APPBP2: variants seen among roughly 807,000 people sequenced by gnomAD.
The protein encoded by APPBP2 is amyloid beta precursor protein binding protein 2.
In APPBP2, 15 loss-of-function variants were observed where a neutral mutation model predicts 76.0. That is an observed-to-expected ratio of 0.20 (90% CI 0.13 to 0.30). The LOEUF is 0.30. Among genes scored for constraint, APPBP2 ranks in the 10% least tolerant of loss-of-function variants. The pLI is 1.00. For missense variants in APPBP2, 401 were observed against 687.2 expected, an observed-to-expected ratio of 0.58 and a Z score of 4.66; for synonymous variants, 222 against 242.2, an observed-to-expected ratio of 0.92 and a Z score of 0.77.
intron 6 of APPBP2, among the ~76,000 whole-genome samples, chr17:60,463,351 G>A (rs578037717): frequency 3.3e-5 from 5 of 152,280 alleles, no homozygotes; most frequent in Admixed American, 2.6e-4. Context: ...CAGGCCAACC[G>A]TGGTGGACCT....
At position 60,446,093 on chromosome 17, in the gene APPBP2, T is replaced by C. The variant is rs1359741552; in HGVS notation, c.*1488A>G. 1 of 152,202 alleles carries C rather than the reference T, an allele frequency of 6.6e-6. No individual in the cohort carries two copies. Among genetic ancestry groups the C allele is most frequent in the Non-Finnish European group, 1.5e-5 (1 of 68,018 alleles). 9.4% of individuals were successfully genotyped at this position (152,202 alleles called of 1,614,324 possible). A position where few individuals can be genotyped will look rare whatever the true frequency, so the allele number is the denominator to read the frequency against. ...AAAACTAAAATTCAACACACATCCATTCACCCACAGACTACTCCAAGCATT... is the reference window on the plus strand; with the variant it reads ...AAAACTAAAATTCAACACACATCCACTCACCCACAGACTACTCCAAGCATT... On this transcript the variant is annotated 3_prime_UTR_variant, in exon 13 of 13. Transcript: ENST00000083182.
At chr17:60,448,627 G>A (rs949326734) in intron 12 of APPBP2, among the ~76,000 whole-genome samples, 2 of 152,186 alleles carry the variant, frequency 1.3e-5, no homozygotes, top group Non-Finnish European at 2.9e-5. Flanking sequence ...GCAAACTGAT[G>A]GGGAAATTTC....
chr17:60,501,056 T>C (rs2090819167), intron 1 of APPBP2, among the ~76,000 whole-genome samples: 1 of 152,218 alleles, frequency 6.6e-6, no homozygotes, highest in Non-Finnish European at 1.5e-5. Flanking sequence ...GGTTTGATCC[T>C]GTCATTCCAG....
chr17:60,523,503 A>G (rs28609520), intron 1 of APPBP2, among the ~76,000 whole-genome samples: 11,874 of 152,036 alleles, frequency 0.078, 1,555 homozygotes, highest in African/African-American at 0.27. Context: ...TCCACAAAAA[A>G]AGTTTCTTAT....
intron 4 of APPBP2, among the ~76,000 whole-genome samples, chr17:60,467,657 G>C (rs1004642707): frequency 6.6e-6 from 1 of 152,180 alleles, no homozygotes; most frequent in Non-Finnish European, 1.5e-5. Context: ...TGATAAAAAA[G>C]TAGGGTAATA....
At chr17:60,481,596 T>C (rs1265693602) in intron 3 of APPBP2, among the ~76,000 whole-genome samples, 2 of 152,256 alleles carry the variant, frequency 1.3e-5, no homozygotes, top group Admixed American at 1.3e-4. Flanking sequence ...TTTAGGTTTA[T>C]TCTAGAGCAT....
intron 1 of APPBP2, among the ~76,000 whole-genome samples, chr17:60,515,111 A>G (rs1305426478): frequency 7.1e-6 from 1 of 141,266 alleles, no homozygotes; most frequent in Non-Finnish European, 1.5e-5. Context: ...GCCTATTTTA[A>G]ATTTTTTTTT....
At chr17:60,521,932 C>T (rs73330245) in intron 1 of APPBP2, among the ~76,000 whole-genome samples, 12,449 of 152,146 alleles carry the variant, frequency 0.082, 1,687 homozygotes, top group African/African-American at 0.28. Flanking sequence ...CAACTGCCTA[C>T]GGTACTCAGT....
chr17:60,496,242 C>A (rs1162199405), intron 2 of APPBP2, among the ~76,000 whole-genome samples: 1 of 152,042 alleles, frequency 6.6e-6, no homozygotes, highest in Non-Finnish European at 1.5e-5. Flanking sequence ...GTTACAAAAT[C>A]TTGTGAATAG....
At chr17:60,485,815 C>T (rs1213010238) in intron 3 of APPBP2, among the ~76,000 whole-genome samples, 2 of 152,030 alleles carry the variant, frequency 1.3e-5, no homozygotes, top group East Asian at 3.9e-4. Flanking sequence ...TAGATCTTTC[C>T]TGCTTTCTCT....
intron 1 of APPBP2, among the ~76,000 whole-genome samples, chr17:60,510,953 T>C (rs2090907102): frequency 8.0e-6 from 1 of 125,064 alleles, no homozygotes; most frequent in Non-Finnish European, 1.5e-5. Context: ...AAATTAAGAG[T>C]TTTCCCCCCC....
intron 4 of APPBP2, among the ~76,000 whole-genome samples, chr17:60,469,317 T>A (rs1598352901): frequency 8.6e-6 from 1 of 116,630 alleles, no homozygotes; most frequent in South Asian, 2.6e-4. Context: ...AGAGCAAGAC[T>A]CCATCTCAAA....
intron 11 of APPBP2, among the ~76,000 whole-genome samples, chr17:60,453,067 C>A (rs1471818793): frequency 2.0e-5 from 3 of 152,126 alleles, no homozygotes; most frequent in Non-Finnish European, 4.4e-5. Flanking sequence ...CTGCTAAGAG[C>A]TATACTTAGT....
chr17:60,472,963 C>G (rs2090564061), intron 4 of APPBP2, among the ~76,000 whole-genome samples: 1 of 152,020 alleles, frequency 6.6e-6, no homozygotes, highest in Non-Finnish European at 1.5e-5. Context: ...ATCCTGAATT[C>G]TTCCTTATTG....
Position 60,461,919 on chromosome 17 carries a change from T to A in APPBP2, c.831-4A>T, listed in dbSNP as rs1394343059. The A allele has an allele frequency of 6.2e-7, 1 of 1,611,220 alleles. No individual in the cohort carries two copies. Among genetic ancestry groups the A allele is most frequent in the Non-Finnish European group, 8.5e-7 (1 of 1,177,900 alleles). ...GTGTTTGGATCCAAAATGATCCCTA[T>A]AAAAAGACACAAAATTATTAGGATA... On this transcript the variant is annotated splice_polypyrimidine_tract_variant and splice_region_variant and intron_variant, in intron 7 of 12. Transcript: ENST00000083182.
At chr17:60,471,507 A>AT (rs563470883) in intron 4 of APPBP2, among the ~76,000 whole-genome samples, 24 of 146,538 alleles carry the variant, frequency 1.6e-4, no homozygotes, top group South Asian at 6.5e-4. Flanking sequence ...AGCTTTGTGA[A>AT]TTTTTTTTTT....
At chr17:60,480,867 A>C (rs2090623283) in intron 3 of APPBP2, among the ~76,000 whole-genome samples, 1 of 152,174 alleles carries the variant, frequency 6.6e-6, no homozygotes, top group South Asian at 2.1e-4. Context: ...AGAGCAATGG[A>C]CACTCTCCTT....
In APPBP2 at chr17:60,516,681, A is replaced by G. The variant is rs536494092; in HGVS notation, c.138+9113T>C. On this transcript the variant is annotated intron_variant, in intron 1 of 12. Transcript: ENST00000083182. ...TATTATGAATAGCAGTGCTATGAAC[A>G]TTCATAAGTGTATATATCTTGAAGT... 2.0e-5 allele frequency among the ~76,000 whole-genome samples: 3 copies of G among 152,350 alleles called. 1 individual carries two copies. The highest frequency in any genetic ancestry group is 4.1e-4 in the South Asian group (2 of 4,828).
chr17:60,502,971 C>T (rs1265407824), intron 1 of APPBP2, among the ~76,000 whole-genome samples: 3 of 145,604 alleles, frequency 2.1e-5, no homozygotes, highest in Non-Finnish European at 4.4e-5. Flanking sequence ...GTGTATCCTA[C>T]TAAATGAGAG....
Sources: gnomAD v4.1 joint callset for allele counts (sites outside exome capture counted in the v4.1 genomes callset) on GRCh38, gnomAD v4.1.1 for gene constraint, MANE v1.5 for transcripts, NCBI Gene and HGNC (gene_info 2026-07-23, HGNC 2026-07-21) for gene names.